The following KCNT1 variants were observed in gnomAD, a reference collection of about 807,000 sequenced individuals.
KCNT1 encodes potassium channel subfamily T member 1.
A neutral mutation model predicts 147.8 loss-of-function variants in KCNT1; 78 were observed. The observed-to-expected ratio is 0.53, with a 90% CI of 0.44 to 0.64. The LOEUF is 0.64. Ranked by LOEUF, KCNT1 falls within the 30% of genes least tolerant of loss-of-function variation. KCNT1 has a pLI of 0.00. For missense variants in KCNT1, 1,419 were observed against 1,750.3 expected (o/e 0.81, Z 3.38); for synonymous variants, 867 against 748.8 (o/e 1.16, Z -2.58).
chr9:135,792,268 C>G lies in KCNT1; in HGVS notation c.*107C>G, dbSNP rs1054529254. 66 of 1,356,850 alleles carry G rather than the reference C, an allele frequency of 4.9e-5. No homozygotes were observed. The highest frequency in any genetic ancestry group is 6.4e-5 in the Non-Finnish European group (65 of 1,013,752). The allele number at this position is 1,356,850 out of a possible 1,614,324, so 84.1% of individuals were successfully genotyped here. On this transcript the variant is annotated 3_prime_UTR_variant, in exon 31 of 31. Transcript: ENST00000371757. ...CTAGCGTGACCCTGGGGATGGCACA[C>G]TCTACTCACCATGGCTCCTGGGACT... is the stretch of plus-strand genomic sequence containing the variant.
Position 135,758,482 on chromosome 9 carries a change from C to T in KCNT1, c.828C>T (p.Cys276=), listed in dbSNP as rs576533378. 3.1e-6 allele frequency: 5 copies of T among 1,613,658 alleles called. No homozygotes were observed. The South Asian group carries it at 3.3e-5, about 11-fold the overall frequency. Residue 276 remains cysteine (C), a synonymous_variant, in exon 10 of 31, where the codon TGC becomes TGT. Transcript: ENST00000371757. The part of the protein sequence containing the change: ...AMFNQVLILF[C]TLLCLVFTGT... ...TCAACCAGGTCCTCATCCTCTTCTG[C>T]ACCCTGCTGTGCCTCGTTTTCACGG... is the stretch of plus-strand genomic sequence containing the variant.
intron 29 of KCNT1, 117 bp from the exon 30 acceptor site, chr9:135,791,679 TG>T: frequency 1.2e-6 from 1 of 838,220 alleles, no homozygotes. Flanking sequence ...TGGAGCAGAA[TG>T]GTCAGGAAGG....
At chr9:135,785,707 AGCACCCCACGACCCACAGGCTCTG>A (rs1284630020) in intron 28 of KCNT1, 6 of 479,886 alleles carry the variant, frequency 1.3e-5, no homozygotes, top group Non-Finnish European at 1.1e-5. Flanking sequence ...ACCTCTTCCC[AGCACCCCACGACCCACAGGCTCTG>A]GCACCCCACG....
intron 10 of KCNT1, among the ~76,000 whole-genome samples, chr9:135,759,348 G>A (rs373636377): frequency 9.2e-4 from 140 of 152,336 alleles, no homozygotes; most frequent in African/African-American, 3.3e-3. Context: ...TGCATCCCCT[G>A]CTCCCAGAGA....
Position 135,770,346 on chromosome 9 carries a change from C to A in KCNT1, c.1668C>A (p.Cys556Ter), listed in dbSNP as rs771881853. ...AGTGGCAGCGCATGTATGGGCGCTG[C>A]TCCGGCAACGAGGTGTACCACATCC... ...PEQWQRMYGRCSGNEVYHIRM... is the reference protein window; with the variant it reads ...PEQWQRMYGR The change falls in exon 17 of 31, where the codon TGC (cysteine) becomes TGA (stop). Residue 556 changes from cysteine to a stop codon, truncating the protein, a stop_gained. Coordinates refer to ENST00000371757, the MANE Select transcript of KCNT1 (RefSeq NM_020822.3). LOFTEE classifies it high-confidence loss of function. 6.2e-7 allele frequency: 1 copy of A among 1,612,702 alleles called. No individual in the cohort carries two copies. Among genetic ancestry groups the A allele is most frequent in the Non-Finnish European group, 8.5e-7 (1 of 1,179,628 alleles).
chr9:135,708,270 A>G (rs989992830), intron 1 of KCNT1, among the ~76,000 whole-genome samples: 2 of 152,360 alleles, frequency 1.3e-5, no homozygotes. Flanking sequence ...GCCCATGTAC[A>G]TGTATGCATA....
chr9:135,740,557 A>G (rs12685137), intron 2 of KCNT1, among the ~76,000 whole-genome samples: 21,155 of 152,136 alleles, frequency 0.14, 1,649 homozygotes, highest in South Asian at 0.17. Context: ...CTCCTTCCCG[A>G]CCCCAGCCCC....
At chr9:135,756,742 GGAGT>G (rs1831504604) in intron 6 of KCNT1, 127 bp from the exon 7 acceptor site, 1 of 786,448 alleles carries the variant, frequency 1.3e-6, no homozygotes, top group East Asian at 2.4e-5. Flanking sequence ...TCCTGACATG[GGAGT>G]GAGGGTCAAG....
At chr9:135,785,408 G>GCACCC in intron 28 of KCNT1, 78 bp downstream of exon 28, 1 of 1,526,468 alleles carries the variant, frequency 6.6e-7, no homozygotes, top group Non-Finnish European at 8.8e-7. Context: ...AGCCTGCCAG[G>GCACCC]CCCCACCCAC....
At chr9:135,787,793 T>G (rs1834182783) in intron 29 of KCNT1, among the ~76,000 whole-genome samples, 1 of 152,138 alleles carries the variant, frequency 6.6e-6, no homozygotes, top group South Asian at 2.1e-4. Flanking sequence ...CCCTTTCAGG[T>G]GGGGCTCACG....
At chr9:135,756,281 CCT>C (rs1410949155) in intron 6 of KCNT1, among the ~76,000 whole-genome samples, 1 of 152,120 alleles carries the variant, frequency 6.6e-6, no homozygotes, top group African/African-American at 2.4e-5. Flanking sequence ...TTCCTGACCC[CCT>C]CTGTCTGCTT....
At chr9:135,747,214 G>C (rs1258491143) in intron 2 of KCNT1, among the ~76,000 whole-genome samples, 1 of 152,126 alleles carries the variant, frequency 6.6e-6, no homozygotes. Flanking sequence ...AGATTCTGGG[G>C]TCTGGTCACC....
intron 11 of KCNT1, 40 bp from the exon 12 acceptor site, chr9:135,764,991 C>T (rs758099321): frequency 4.4e-6 from 7 of 1,579,976 alleles, no homozygotes; most frequent in African/African-American, 4.0e-5. Context: ...CCTCGCTCCC[C>T]AGGCCTGGTC....
At chr9:135,777,657 A>C in intron 21 of KCNT1, 147 bp downstream of exon 21, 3 of 750,546 alleles carry the variant, frequency 4.0e-6, no homozygotes, top group Non-Finnish European at 6.4e-6. Context: ...TTTCCTAAAA[A>C]GGGGGACTCT....
intron 4 of KCNT1, among the ~76,000 whole-genome samples, chr9:135,751,651 T>G (rs746203468): frequency 1.3e-5 from 2 of 152,146 alleles, no homozygotes; most frequent in Non-Finnish European, 2.9e-5. Context: ...CTTCGAGAAG[T>G]GGCGGCTGCT....
intron 2 of KCNT1, among the ~76,000 whole-genome samples, chr9:135,735,096 G>A (rs1830280763): frequency 1.3e-5 from 2 of 152,230 alleles, no homozygotes; most frequent in African/African-American, 4.8e-5. Flanking sequence ...ACCAGGGGCT[G>A]GCAGAGGGTA....
chr9:135,770,248 G>C (rs1832658675), intron 16 of KCNT1, 50 bp from the exon 17 acceptor site: 2 of 1,549,130 alleles, frequency 1.3e-6, no homozygotes, highest in East Asian at 2.3e-5. Flanking sequence ...GGGGAGAAGG[G>C]GCAGCCATGG....
chr9:135,792,056 C>G lies in KCNT1; in HGVS notation c.3603C>G (p.Ser1201=). 6.2e-7 allele frequency: 1 copy of G among 1,604,192 alleles called. No homozygotes were observed. The highest frequency in any genetic ancestry group is 8.5e-7 in the Non-Finnish European group (1 of 1,179,738). ...EPSDIVYLIR[S]DPLAHVASSS... is the part of the protein sequence containing the mutation. ...CCTCCCGCAGCTATCTCATCCGCTC[C>G]GACCCCCTGGCTCACGTGGCCAGCA... is the stretch of plus-strand genomic sequence containing the variant. Residue 1201 remains serine (S), a synonymous_variant, in exon 31 of 31, where the codon TCC becomes TCG. Coordinates refer to ENST00000371757, the MANE Select transcript of KCNT1 (RefSeq NM_020822.3).
rs1554775058 is a variant in KCNT1, at chr9:135,770,927, C to T, written c.1840C>T (p.His614Tyr). ...KSILLNPGPR[H>Y]ILAASDTCFY... ...CATCCTGCTGAACCCGGGGCCCCGG[C>T]ACATCCTGGCCGCCTCTGACACCTG... is the stretch of plus-strand genomic sequence containing the variant. The change falls in exon 18 of 31, where the codon CAC (histidine) becomes TAC (tyrosine). Residue 614 changes from histidine to tyrosine, a missense_variant. Physicochemically the swap from His to Tyr is moderately conservative, Grantham distance 83. This residue lies in a region of KCNT1 where 284 missense variants were observed against 292.8 expected (regional missense o/e 0.97). Transcript: ENST00000371757. 1 of 1,612,426 alleles carries T rather than the reference C, an allele frequency of 6.2e-7. No homozygotes were observed. Among genetic ancestry groups the T allele is most frequent in the Non-Finnish European group, 8.5e-7 (1 of 1,179,298 alleles).
Sources: gnomAD v4.1 joint callset for allele counts (sites outside exome capture counted in the v4.1 genomes callset) on GRCh38, gnomAD v4.1.1 for gene constraint, gnomAD v4.1.1 regional missense constraint, MANE v1.5 for transcripts, NCBI Gene and HGNC (gene_info 2026-07-23, HGNC 2026-07-21) for gene names.